Variants in PIGU observed in about 807,000 individuals in gnomAD.
PIGU encodes GPI-anchor transamidase component PIGU.
A neutral mutation model predicts 49.9 loss-of-function variants in PIGU; 24 were observed. That is an observed-to-expected ratio of 0.48 (90% CI 0.35 to 0.68). The LOEUF is 0.68. Among genes scored for constraint, PIGU ranks in the 30% least tolerant of loss-of-function variants. The probability of loss-of-function intolerance (pLI) is 0.01; values close to 1 mark genes in which losing one functional copy is unlikely to be tolerated. For missense variants in PIGU, 490 were observed against 532.6 expected (o/e 0.92, Z 0.79); for synonymous variants, 220 against 205.7 (o/e 1.07, Z -0.59).
In PIGU at chr20:34,581,681, G is replaced by A; in HGVS notation, c.927-9C>T. 6.3e-7 allele frequency: 1 copy of A among 1,593,764 alleles called. No homozygotes were observed. Among genetic ancestry groups the A allele is most frequent in the South Asian group, 1.1e-5 (1 of 90,724 alleles). On this transcript the variant is annotated splice_polypyrimidine_tract_variant and intron_variant, in intron 9 of 11. Transcript: ENST00000217446. ...AGAAGATGGGGTGCTCCCTGGGGCA[G>A]GGCAGGGGAAAGAGAGAGAGAGATG... is the stretch of plus-strand genomic sequence containing the variant.
At chr20:34,591,530 CA>C (rs1308448411) in intron 7 of PIGU, among the ~76,000 whole-genome samples, 1 of 152,284 alleles carries the variant, frequency 6.6e-6, no homozygotes, top group African/African-American at 2.4e-5. Flanking sequence ...CATAAACCCA[CA>C]TTGACTTCAA....
intron 6 of PIGU, among the ~76,000 whole-genome samples, chr20:34,631,901 A>G (rs1265426583): frequency 7.0e-6 from 1 of 142,034 alleles, no homozygotes; most frequent in Non-Finnish European, 1.5e-5. Context: ...GTGCAGTGTC[A>G]CTATCTTGGC....
At chr20:34,652,056 G>A (rs1986557023) in intron 2 of PIGU, among the ~76,000 whole-genome samples, 1 of 152,130 alleles carries the variant, frequency 6.6e-6, no homozygotes, top group Admixed American at 6.5e-5. Context: ...CTGGGGTGCA[G>A]AGGTATAATC....
At chr20:34,609,798 T>C (rs1287051510) in intron 7 of PIGU, among the ~76,000 whole-genome samples, 3 of 152,220 alleles carry the variant, frequency 2.0e-5, no homozygotes, top group Admixed American at 6.5e-5. Context: ...TCTTGAATTG[T>C]TGTTCCCATA....
At chr20:34,563,711 T>TA (rs1982626224) in intron 11 of PIGU, among the ~76,000 whole-genome samples, 1 of 152,162 alleles carries the variant, frequency 6.6e-6, no homozygotes, top group Non-Finnish European at 1.5e-5. Flanking sequence ...AGCTTAATTC[T>TA]TGTCCACTCT....
intron 6 of PIGU, among the ~76,000 whole-genome samples, chr20:34,622,186 G>C (rs569025775): frequency 6.6e-6 from 1 of 152,124 alleles, no homozygotes. Flanking sequence ...ACACTAATGA[G>C]TTATACATTT....
At chr20:34,577,813 T>A (rs1186095752) in intron 10 of PIGU, among the ~76,000 whole-genome samples, 1 of 152,172 alleles carries the variant, frequency 6.6e-6, no homozygotes, top group African/African-American at 2.4e-5. Context: ...GGCATCCATA[T>A]GAGGTTTTAA....
intron 2 of PIGU, among the ~76,000 whole-genome samples, chr20:34,656,749 G>C (rs915475776): frequency 1.6e-5 from 2 of 121,424 alleles, no homozygotes; most frequent in African/African-American, 3.2e-5. Context: ...CTGGGTGACA[G>C]AATAAGACCC....
chr20:34,612,279 T>C (rs1984844222), intron 7 of PIGU, among the ~76,000 whole-genome samples: 3 of 152,150 alleles, frequency 2.0e-5, no homozygotes, highest in Admixed American at 6.6e-5. Flanking sequence ...TCGCATGTTC[T>C]TACTCATAAG....
chr20:34,614,373 C>G (rs1258247511), intron 7 of PIGU, among the ~76,000 whole-genome samples: 3 of 151,720 alleles, frequency 2.0e-5, no homozygotes, highest in Non-Finnish European at 4.4e-5. Context: ...TCCTATAAAC[C>G]TAGCACTTTG....
rs992310160 is a variant in PIGU at position 34,583,289 on chromosome 20, G to A, written c.927-1617C>T. Among the ~76,000 whole-genome samples the A allele has an allele frequency of 2.6e-5, 4 of 152,280 alleles. No homozygotes were observed. In the East Asian group the frequency reaches 5.8e-4, roughly 22 times the overall value. On this transcript the variant is annotated intron_variant, in intron 9 of 11. Transcript: ENST00000217446. The stretch of plus-strand genomic sequence containing the variant: ...GGCTTTTCAGGTAGCTGGTAACAAC[G>A]GCAACATTTCTATGAAAAGGCTGGT...
chr20:34,639,252 C>T (rs6088553), intron 4 of PIGU, among the ~76,000 whole-genome samples: 62,229 of 151,174 alleles, frequency 0.41, 13,169 homozygotes, highest in Admixed American at 0.56. Context: ...ATACAAAAAA[C>T]TAGCTGGGCA....
At chr20:34,616,256 C>T in intron 6 of PIGU, 117 bp from the exon 7 acceptor site, 1 of 1,099,412 alleles carries the variant, frequency 9.1e-7, no homozygotes. Context: ...CTGCCAAGTG[C>T]CTCCTGGTAC....
At chr20:34,666,523 T>C (rs1987099817) in intron 1 of PIGU, among the ~76,000 whole-genome samples, 1 of 150,890 alleles carries the variant, frequency 6.6e-6, no homozygotes, top group African/African-American at 2.4e-5. Context: ...ATTTAATTAA[T>C]TAATTTATTT....
intron 2 of PIGU, among the ~76,000 whole-genome samples, chr20:34,650,698 C>CTTTTTTTTTTTTTTTTTTTTTT (rs1568658806): frequency 1.4e-4 from 6 of 43,946 alleles, no homozygotes; most frequent in Admixed American, 2.4e-4. Flanking sequence ...TTCTTTTTTT[C>CTTTTTTTTTTTTTTTTTTTTTT]TCTTTTTTTT....
intron 7 of PIGU, among the ~76,000 whole-genome samples, chr20:34,594,463 ATAATGT>A (rs1310777863): frequency 6.6e-6 from 1 of 152,194 alleles, no homozygotes; most frequent in African/African-American, 2.4e-5. Context: ...TTTCCAGGAA[ATAATGT>A]TAAGTGAAAA....
At chr20:34,624,416 G>A (rs1305857904) in intron 6 of PIGU, among the ~76,000 whole-genome samples, 1 of 152,208 alleles carries the variant, frequency 6.6e-6, no homozygotes, top group South Asian at 2.1e-4. Context: ...TGTCTAACAT[G>A]AGAGCAGCCT....
At chr20:34,622,587 G>C (rs1423185059) in intron 6 of PIGU, among the ~76,000 whole-genome samples, 1 of 152,130 alleles carries the variant, frequency 6.6e-6, no homozygotes, top group African/African-American at 2.4e-5. Flanking sequence ...TCAGATCACG[G>C]AGGGCTAAGC....
intron 7 of PIGU, among the ~76,000 whole-genome samples, chr20:34,614,851 G>A (rs1413713712): frequency 6.6e-6 from 1 of 152,156 alleles, no homozygotes; most frequent in Non-Finnish European, 1.5e-5. Flanking sequence ...CAGTGCTTGT[G>A]ATTAAGAAAG....
Sources: allele counts gnomAD v4.1 joint callset (sites outside exome capture counted in the v4.1 genomes callset), GRCh38; gene constraint gnomAD v4.1.1; transcripts MANE v1.5; gene names NCBI Gene and HGNC (gene_info 2026-07-23, HGNC 2026-07-21).